Variants in MYO1E observed in about 807,000 individuals in gnomAD.
MYO1E encodes the protein myosin IE.
Under a neutral mutation model 151.1 loss-of-function variants are expected in MYO1E, and 68 were observed. That is an observed-to-expected ratio of 0.45 (90% CI 0.37 to 0.55). MYO1E has a LOEUF of 0.55. Among genes scored for constraint, MYO1E ranks in the 20% least tolerant of loss-of-function variants. MYO1E has a pLI of 0.00. For missense variants in MYO1E, 1,363 were observed against 1,389.3 expected, an observed-to-expected ratio of 0.98 and a Z score of 0.30; for synonymous variants, 601 against 501.7, an observed-to-expected ratio of 1.20 and a Z score of -2.64.
chr15:59,301,652 T>C (rs555907951), intron 1 of MYO1E, among the ~76,000 whole-genome samples: 1 of 152,356 alleles, frequency 6.6e-6, no homozygotes, highest in Admixed American at 6.5e-5. Flanking sequence ...GCAGCTTTAT[T>C]GTGGCTAAGT....
chr15:59,181,780 A>G (rs1170449213), intron 18 of MYO1E, among the ~76,000 whole-genome samples: 1 of 152,216 alleles, frequency 6.6e-6, no homozygotes, highest in African/African-American at 2.4e-5. Context: ...TGTATAATAC[A>G]TGCAGATGTG....
chr15:59,139,654 T>C (rs2079397376), intron 26 of MYO1E, among the ~76,000 whole-genome samples: 1 of 150,428 alleles, frequency 6.6e-6, no homozygotes, highest in Non-Finnish European at 1.5e-5. Context: ...CTACAGGCTT[T>C]TCTGCCCTCT....
chr15:59,151,031 A>G (rs753135939), intron 26 of MYO1E, among the ~76,000 whole-genome samples: 4 of 133,292 alleles, frequency 3.0e-5, no homozygotes, highest in African/African-American at 6.5e-5. Context: ...ACACACACAC[A>G]CACACACACA....
At chr15:59,246,475 A>G (rs2080130730) in intron 4 of MYO1E, among the ~76,000 whole-genome samples, 1 of 152,124 alleles carries the variant, frequency 6.6e-6, no homozygotes, top group African/African-American at 2.4e-5. Context: ...CCCAGAGTCT[A>G]CCTTCACACT....
intron 1 of MYO1E, among the ~76,000 whole-genome samples, chr15:59,289,118 C>T (rs1457092587): frequency 1.3e-5 from 2 of 152,170 alleles, no homozygotes; most frequent in Admixed American, 6.5e-5. Context: ...GATGTGTCCA[C>T]GGGGCCATCC....
chr15:59,313,170 C>G (rs2080563293), intron 1 of MYO1E, among the ~76,000 whole-genome samples: 1 of 152,196 alleles, frequency 6.6e-6, no homozygotes, highest in Non-Finnish European at 1.5e-5. Context: ...TCTATTCCTA[C>G]AGAAGAAACA....
At chr15:59,330,266 C>T (rs778428487) in intron 1 of MYO1E, among the ~76,000 whole-genome samples, 3 of 152,030 alleles carry the variant, frequency 2.0e-5, no homozygotes, top group Non-Finnish European at 4.4e-5. Context: ...AATCAAGCAG[C>T]AAGGCATTCT....
At chr15:59,355,185 A>C (rs1268964612) in intron 1 of MYO1E, among the ~76,000 whole-genome samples, 1 of 152,310 alleles carries the variant, frequency 6.6e-6, no homozygotes, top group East Asian at 1.9e-4. Context: ...AACCATGAGC[A>C]TGACAGTGTC....
intron 1 of MYO1E, among the ~76,000 whole-genome samples, chr15:59,337,997 A>C (rs2080739973): frequency 6.6e-6 from 1 of 152,036 alleles, no homozygotes; most frequent in Admixed American, 6.5e-5. Context: ...TTTTCCTCCT[A>C]CTCAACTGAG....
intron 4 of MYO1E, among the ~76,000 whole-genome samples, chr15:59,253,851 T>C (rs2080179035): frequency 6.6e-6 from 1 of 150,722 alleles, no homozygotes. Context: ...CATCATAGGA[T>C]ACAATTAGGC....
chr15:59,142,972 G>GT (rs1209083998), intron 26 of MYO1E, among the ~76,000 whole-genome samples: 13 of 146,062 alleles, frequency 8.9e-5, no homozygotes, highest in Non-Finnish European at 1.5e-4. Context: ...ACTAGAGATC[G>GT]TAAGTCTCAT....
At chr15:59,248,970 G>C (rs2080147674) in intron 4 of MYO1E, among the ~76,000 whole-genome samples, 1 of 152,170 alleles carries the variant, frequency 6.6e-6, no homozygotes, top group African/African-American at 2.4e-5. Flanking sequence ...ATTGGGGTCT[G>C]ATTCACACTT....
Position 59,171,906 on chromosome 15 carries a change from A to C in MYO1E, c.2471T>G (p.Val824Gly). The C allele has an allele frequency of 1.2e-6, 2 of 1,614,232 alleles. No homozygotes were observed. The highest frequency in any genetic ancestry group is 8.5e-7 in the Non-Finnish European group (1 of 1,180,044). ...RKIEIERILS[V>G]SLSTMQDDIF... ...CACCTCCACTACTCACCTGAGGGAC[A>C]CAGACAAGATCCGTTCTATCTCGAT... The change falls in exon 22 of 28, where the codon GTG becomes GGG. Residue 824 changes from valine (V) to glycine (G), a missense_variant. Physicochemically the swap from Val to Gly is moderately radical, Grantham distance 109. Coordinates refer to ENST00000288235, the MANE Select transcript of MYO1E (RefSeq NM_004998.4).
intron 1 of MYO1E, among the ~76,000 whole-genome samples, chr15:59,340,187 T>C (rs1476235616): frequency 2.0e-5 from 3 of 152,082 alleles, no homozygotes; most frequent in Non-Finnish European, 4.4e-5. Flanking sequence ...TGGCTGGGCA[T>C]GGTGGTGTGC....
At position 59,199,397 on chromosome 15, in the gene MYO1E, T is replaced by C. The variant is rs189202982; in HGVS notation, c.1698+2929A>G. Among the ~76,000 whole-genome samples, 77 of 152,312 alleles carry C rather than the reference T, an allele frequency of 5.1e-4. 2 individuals are homozygous for C. The highest frequency in any genetic ancestry group is 1.0e-3 in the Non-Finnish European group (71 of 68,018). On this transcript the variant is annotated intron_variant, in intron 16 of 27. Coordinates refer to ENST00000288235, the MANE Select transcript of MYO1E (RefSeq NM_004998.4). ...TGTGCCCGGCCTGCATTATACTTTATAGTTGAGTACCCCTAATCTGAAAAG... is the reference window on the plus strand; with the variant it reads ...TGTGCCCGGCCTGCATTATACTTTACAGTTGAGTACCCCTAATCTGAAAAG...
At chr15:59,354,242 C>T (rs1215285184) in intron 1 of MYO1E, among the ~76,000 whole-genome samples, 1 of 152,202 alleles carries the variant, frequency 6.6e-6, no homozygotes, top group Non-Finnish European at 1.5e-5. Flanking sequence ...TGAGACCGTC[C>T]TGGCCTTTGG....
rs1386024050 is a variant in MYO1E at position 59,203,840 on chromosome 15, G to A, written c.1617-1433C>T. ...ATATGTATTTGCTGACTGGGTGAAT[G>A]ACGGGATCCATGTAAATTAGCAATC... On this transcript the variant is annotated intron_variant, in intron 15 of 27. Transcript: ENST00000288235. Among the ~76,000 whole-genome samples, 3 of 152,208 alleles carry A rather than the reference G, an allele frequency of 2.0e-5. No individual in the cohort carries two copies. The East Asian group carries it at 5.8e-4, about 29-fold the overall frequency.
At chr15:59,138,815 T>TTC (rs1317331747) in intron 26 of MYO1E, among the ~76,000 whole-genome samples, 1 of 152,126 alleles carries the variant, frequency 6.6e-6, no homozygotes, top group Non-Finnish European at 1.5e-5. Context: ...GTATTAACCA[T>TTC]TCTCTGGCTC....
rs75039036 is a variant in MYO1E at position 59,302,230 on chromosome 15, A to G, written c.4-29781T>C. Among the ~76,000 whole-genome samples, 349 of 152,336 alleles carry G rather than the reference A, an allele frequency of 2.3e-3. 5 individuals carry two copies. Among genetic ancestry groups the G allele is most frequent in the African/African-American group, 8.1e-3 (336 of 41,568 alleles). On this transcript the variant is annotated intron_variant, in intron 1 of 27. Coordinates refer to ENST00000288235, the MANE Select transcript of MYO1E (RefSeq NM_004998.4). The stretch of plus-strand genomic sequence containing the variant: ...AGGGGATCAGTTTGTGACTCAAGTA[A>G]GATTTAGGGACATGTCCAATTAACG...
Sources: allele counts gnomAD v4.1 joint callset (sites outside exome capture counted in the v4.1 genomes callset), GRCh38; gene constraint gnomAD v4.1.1; transcripts MANE v1.5; gene names NCBI Gene and HGNC (gene_info 2026-07-23, HGNC 2026-07-21).